Variants in THPO observed in about 807,000 individuals in gnomAD.
THPO encodes thrombopoietin, also known as MPL ligand.
THPO carries 12 observed loss-of-function variants against 17.0 expected under a neutral mutation model. That is an observed-to-expected ratio of 0.71 (90% CI 0.45 to 1.14). The LOEUF (loss-of-function observed/expected upper bound fraction) is 1.14, where lower values mean the gene tolerates loss of function less well. Ranked by LOEUF, THPO falls within the 50% of genes most tolerant of loss-of-function variation. The probability of loss-of-function intolerance (pLI) is 0.00; values close to 1 mark genes in which losing one functional copy is unlikely to be tolerated. For missense variants in THPO, 365 were observed against 427.5 expected, an observed-to-expected ratio of 0.85 and a Z score of 1.29; for synonymous variants, 188 against 183.0, an observed-to-expected ratio of 1.03 and a Z score of -0.22.
At position 184,378,160 on chromosome 3, in the gene THPO, C is replaced by A; in HGVS notation, c.-231G>T. 2 of 985,564 alleles carry A rather than the reference C, an allele frequency of 2.0e-6. No individual in the cohort carries two copies. Among genetic ancestry groups the A allele is most frequent in the Non-Finnish European group, 2.4e-6 (2 of 830,018 alleles). The allele number at this position is 985,564 out of a possible 1,614,324, so 61.1% of individuals were successfully genotyped here. On this transcript the variant is annotated 5_prime_UTR_variant, in exon 1 of 6. Transcript: ENST00000647395. ...GGTAGGAAGACATGTGGCGGTGGGG[C>A]ACAGCCCCTCCACAGCAGCAGGTCA...
rs201887623 is a variant in THPO, at chr3:184,372,771, G to C, written c.804C>G (p.Thr268=). 5 of 1,614,028 alleles carry C rather than the reference G, an allele frequency of 3.1e-6. No individual in the cohort carries two copies. In the South Asian group the frequency reaches 4.4e-5, roughly 14 times the overall value. ...CTGAGGAAATGTCCGGGGCTCCTAG[G>C]GTCCTGCGTGAGGGTCCAGGAAAGA... The part of the protein sequence containing the change: ...RGLFPGPSRR[T]LGAPDISSGT... The change falls in exon 6 of 6, where the codon ACC becomes ACG. Residue 268 remains threonine (T), a synonymous_variant. Coordinates refer to ENST00000647395, the MANE Select transcript of THPO (RefSeq NM_000460.4).
At chr3:184,378,803 C>T, upstream of THPO, 2 of 985,426 alleles carry the variant, frequency 2.0e-6, no homozygotes, top group Non-Finnish European at 2.4e-6. Flanking sequence ...TGGCTACACA[C>T]ACAGACCTCT....
In THPO at chr3:184,376,317, T is replaced by C. The variant is rs1197750492; in HGVS notation, c.-58A>G. 4.0e-5 allele frequency: 65 copies of C among 1,614,056 alleles called. No individual in the cohort carries two copies. Among genetic ancestry groups the C allele is most frequent in the Non-Finnish European group, 5.3e-5 (62 of 1,180,018 alleles). On this transcript the variant is annotated 5_prime_UTR_variant, in exon 2 of 6. Coordinates refer to ENST00000647395, the MANE Select transcript of THPO (RefSeq NM_000460.4). The stretch of plus-strand genomic sequence containing the variant: ...TGTTTGGGGCCTCTCCCCTGAATCC[T>C]TCCTGGGGCCATGGAGGCGGCTTAG...
intron 2 of THPO, 113 bp downstream of exon 2, chr3:184,376,134 T>C: frequency 6.2e-7 from 1 of 1,612,202 alleles, no homozygotes; most frequent in Non-Finnish European, 8.5e-7. Context: ...TCAGACCCCT[T>C]ATTTTTGGGA....
intron 5 of THPO, 117 bp from the exon 6 acceptor site, chr3:184,373,295 C>G (rs1386870653): frequency 6.4e-7 from 1 of 1,555,060 alleles, no homozygotes; most frequent in Non-Finnish European, 8.8e-7. Context: ...AGGGAGCACT[C>G]TTAGTAGATC....
At position 184,372,769 on chromosome 3, in the gene THPO, A is replaced by AG. The variant is rs1577354471; in HGVS notation, c.805dup (p.Leu269ProfsTer58). ...TCCTGAGGAAATGTCCGGGGCTCCT[A>AG]GGGTCCTGCGTGAGGGTCCAGGAAA... On this transcript the variant is annotated frameshift_variant, in exon 6 of 6. Coordinates refer to ENST00000647395, the MANE Select transcript of THPO (RefSeq NM_000460.4). LOFTEE classifies it low-confidence loss of function (END_TRUNC). The AG allele has an allele frequency of 6.2e-7, 1 of 1,613,894 alleles. No individual in the cohort carries two copies. Among genetic ancestry groups the AG allele is most frequent in the Non-Finnish European group, 8.5e-7 (1 of 1,179,946 alleles).
At chr3:184,377,141 C>T (rs138139771) in intron 1 of THPO, among the ~76,000 whole-genome samples, 10 of 150,630 alleles carry the variant, frequency 6.6e-5, no homozygotes, top group South Asian at 4.3e-4. Context: ...AACTGGCAAA[C>T]GGGCGCAATA....
Position 184,373,018 on chromosome 3 carries a change from G to A in THPO, c.557C>T (p.Thr186Ile). The A allele has an allele frequency of 6.2e-7, 1 of 1,614,132 alleles. No individual in the cohort carries two copies. Among genetic ancestry groups the A allele is most frequent in the South Asian group, 1.1e-5 (1 of 91,080 alleles). Residue 186 changes from threonine (T) to isoleucine (I), a missense_variant, in exon 6 of 6, where the codon ACC (threonine) becomes ATC (isoleucine). Coordinates refer to ENST00000647395, the MANE Select transcript of THPO (RefSeq NM_000460.4). ...CTCGTTCAGTGTGAGGACTAGAGAG[G>A]TTCTGCTGGGGACAGCTGTGGTGGG... ...APPTTAVPSRTSLVLTLNELP... is the reference protein window; with the variant it reads ...APPTTAVPSRISLVLTLNELP...
chr3:184,379,180 C>T (rs1714758637), upstream of THPO, among the ~76,000 whole-genome samples: 3 of 152,024 alleles, frequency 2.0e-5, no homozygotes, highest in Non-Finnish European at 4.4e-5. Context: ...TCCAGCCAGA[C>T]GAGATGTCTC....
intron 3 of THPO, 58 bp downstream of exon 3, chr3:184,375,830 G>A: frequency 6.2e-7 from 1 of 1,610,428 alleles, no homozygotes; most frequent in Non-Finnish European, 8.5e-7. Flanking sequence ...TGTCTTCCTG[G>A]GAGTATGGGT....
intron 4 of THPO, among the ~76,000 whole-genome samples, chr3:184,374,261 T>G (rs900598806): frequency 2.0e-5 from 3 of 152,104 alleles, no homozygotes; most frequent in Non-Finnish European, 4.4e-5. Flanking sequence ...AATGTAGGTA[T>G]GAGACTCTAC....
rs138940774 is a variant in THPO at position 184,375,905 on chromosome 3, C to T, written c.124G>A (p.Val42Ile). The change falls in exon 3 of 6, where the codon GTC becomes ATC. Residue 42 changes from valine (V) to isoleucine (I), a missense_variant. By Grantham distance (29) the Val-to-Ile change is conservative. Transcript: ENST00000647395. ...VLSKLLRDSH[V>I]LHSRLSQCPE... ...GTTCTCACCAGTCTGCTGTGAAGGA[C>T]ATGGGAGTCACGAAGCAGTTTACTG... is the stretch of plus-strand genomic sequence containing the variant. 64 of 1,613,288 alleles carry T rather than the reference C, an allele frequency of 4.0e-5. No individual in the cohort carries two copies. The African/African-American group carries it at 8.3e-4, about 21-fold the overall frequency.
At chr3:184,373,379 G>C (rs1714117983) in intron 5 of THPO, 36 bp downstream of exon 5, 4 of 1,612,932 alleles carry the variant, frequency 2.5e-6, no homozygotes, top group Middle Eastern at 1.6e-4. Flanking sequence ...AGTCAGAAAA[G>C]AACAGTTTCT....
At chr3:184,378,947 C>A, upstream of THPO, 4 of 801,428 alleles carry the variant, frequency 5.0e-6, no homozygotes, top group Non-Finnish European at 6.0e-6. Flanking sequence ...CCCGCAAATA[C>A]CTCCCTGCTG....
upstream of THPO, chr3:184,378,940 G>A (rs1016210685): frequency 2.1e-5 from 18 of 845,816 alleles, no homozygotes; most frequent in Admixed American, 6.2e-5. Context: ...GACCTCCCCC[G>A]CAAATACCTC....
rs758806943 is a variant in THPO at position 184,372,715 on chromosome 3, T to C, written c.860A>G (p.Asn287Ser). The change falls in exon 6 of 6, where the codon AAC becomes AGC. Residue 287 changes from asparagine to serine, a missense_variant. By Grantham distance (46) the Asn-to-Ser change is conservative (BLOSUM62 1). Coordinates refer to ENST00000647395, the MANE Select transcript of THPO (RefSeq NM_000460.4). ...GTSDTGSLPP[N>S]LQPGYSPSPT... ...GGAAGGAGAATATCCAGGCTGGAGGTTGGGTGGCAGGGAGCCTGTGTCTGA... is the reference window on the plus strand; with the variant it reads ...GGAAGGAGAATATCCAGGCTGGAGGCTGGGTGGCAGGGAGCCTGTGTCTGA... 1.7e-5 allele frequency: 27 copies of C among 1,612,670 alleles called. No individual in the cohort carries two copies. In the Admixed American group the frequency reaches 3.3e-4, roughly 20 times the overall value.
chr3:184,377,845 C>T (rs1029618170), intron 1 of THPO, among the ~76,000 whole-genome samples: 1 of 152,196 alleles, frequency 6.6e-6, no homozygotes, highest in Non-Finnish European at 1.5e-5. Flanking sequence ...TAGGGCCAGC[C>T]AGGGCTGTGC....
rs1714341459 is a variant in THPO, at chr3:184,375,819, G to T, written c.141+69C>A. The T allele has an allele frequency of 2.5e-6, 4 of 1,602,582 alleles. No individual in the cohort carries two copies. The Admixed American group carries it at 6.7e-5, about 27-fold the overall frequency. ...GGTCAAGGAGTTAGAGGAAGTGATG[G>T]TGTCTTCCTGGGAGTATGGGTGTCT... On this transcript the variant is annotated intron_variant, in intron 3 of 5. Coordinates refer to ENST00000647395, the MANE Select transcript of THPO (RefSeq NM_000460.4).
Position 184,372,120 on chromosome 3 carries a change from C to G in THPO, c.*393G>C, listed in dbSNP as rs1296350452. 4.5e-6 allele frequency: 1 copy of G among 222,510 alleles called. No homozygotes were observed. The highest frequency in any genetic ancestry group is 9.2e-6 in the Non-Finnish European group (1 of 108,772). 13.8% of individuals were successfully genotyped at this position (222,510 alleles called of 1,614,324 possible). Reference sequence around the variant, plus strand: ...AAAGGGGATGGGGGCGTTGGAAGGCCTTGAATTTGAAGCAAAGGAAATTAC... The same window carrying G: ...AAAGGGGATGGGGGCGTTGGAAGGCGTTGAATTTGAAGCAAAGGAAATTAC... On this transcript the variant is annotated 3_prime_UTR_variant, in exon 6 of 6. Coordinates refer to ENST00000647395, the MANE Select transcript of THPO (RefSeq NM_000460.4).
Sources: gnomAD v4.1 joint callset for allele counts (sites outside exome capture counted in the v4.1 genomes callset) on GRCh38, gnomAD v4.1.1 for gene constraint, MANE v1.5 for transcripts, NCBI Gene and HGNC (gene_info 2026-07-23, HGNC 2026-07-21) for gene names.